The following SLC44A5 variants were observed in gnomAD, a reference collection of about 807,000 sequenced individuals.
SLC44A5 encodes choline transporter-like protein 5.
In SLC44A5, 57 loss-of-function variants were observed where a neutral mutation model predicts 101.8. The ratio of observed to expected loss-of-function variants is 0.56; its 90% CI spans 0.45 to 0.70. The LOEUF (loss-of-function observed/expected upper bound fraction) is 0.70, where lower values mean the gene tolerates loss of function less well. Ranked by LOEUF, SLC44A5 falls within the 30% of genes least tolerant of loss-of-function variation. SLC44A5 has a pLI of 0.00. For missense variants in SLC44A5, 737 were observed against 853.1 expected (o/e 0.86, Z 1.70); for synonymous variants, 281 against 290.9 (o/e 0.97, Z 0.35).
At chr1:75,709,739 A>AT in the SLC44A5 span, among the ~76,000 whole-genome samples, 1 of 152,162 alleles carries the variant, frequency 6.6e-6, no homozygotes, top group Non-Finnish European at 1.5e-5. Flanking sequence ...AGGCACGCCT[A>AT]TTTTTAGTTT....
chr1:75,589,808 G>A (rs1674242962), intron 1 of SLC44A5, among the ~76,000 whole-genome samples: 1 of 152,138 alleles, frequency 6.6e-6, no homozygotes, highest in Non-Finnish European at 1.5e-5. Flanking sequence ...TTCTGTGAGA[G>A]CAGAAAGGAA....
intron 2 of SLC44A5, among the ~76,000 whole-genome samples, chr1:75,486,593 T>C (rs573128022): frequency 4.1e-4 from 62 of 152,332 alleles, no homozygotes; most frequent in Non-Finnish European, 8.4e-4. Flanking sequence ...CAGAAACTTT[T>C]TAACTGTTAA....
At chr1:75,671,636 G>A in the SLC44A5 span, among the ~76,000 whole-genome samples, 13 of 152,148 alleles carry the variant, frequency 8.5e-5, no homozygotes, top group Non-Finnish European at 1.5e-5. Flanking sequence ...ATTAATGACT[G>A]GATCACTCGC....
chr1:75,707,284 G>A, the SLC44A5 span, among the ~76,000 whole-genome samples: 2 of 152,212 alleles, frequency 1.3e-5, no homozygotes, highest in African/African-American at 4.8e-5. Context: ...TGGCCAAAGA[G>A]CAGTCTCAAG....
At chr1:75,717,950 T>C in the SLC44A5 span, among the ~76,000 whole-genome samples, 2 of 152,340 alleles carry the variant, frequency 1.3e-5, no homozygotes, top group South Asian at 4.1e-4. Flanking sequence ...ACAAAGTTCC[T>C]TGGCTCAATT....
At chr1:75,239,596 T>C (rs189802779) in intron 9 of SLC44A5, among the ~76,000 whole-genome samples, 228 of 152,146 alleles carry the variant, frequency 1.5e-3, no homozygotes, top group Admixed American at 3.2e-3. Flanking sequence ...GGCTGATTCC[T>C]TTACCTGCCC....
chr1:75,348,126 C>T (rs751628994), intron 3 of SLC44A5, among the ~76,000 whole-genome samples: 1 of 151,942 alleles, frequency 6.6e-6, no homozygotes, highest in Non-Finnish European at 1.5e-5. Flanking sequence ...GTATTGTAGG[C>T]TCCCTTCTCT....
At chr1:75,407,534 C>G (rs1259864482) in intron 2 of SLC44A5, among the ~76,000 whole-genome samples, 1 of 152,118 alleles carries the variant, frequency 6.6e-6, no homozygotes, top group African/African-American at 2.4e-5. Flanking sequence ...TGGAACAGAA[C>G]AGAGGTCTCA....
Position 75,367,832 on chromosome 1 carries a change from T to G in SLC44A5, c.53-28202A>C, listed in dbSNP as rs563983890. 3.3e-5 allele frequency among the ~76,000 whole-genome samples: 5 copies of G among 152,298 alleles called. No homozygotes were observed. The East Asian group carries it at 5.8e-4, about 18-fold the overall frequency. On this transcript the variant is annotated intron_variant, in intron 3 of 23. Coordinates refer to ENST00000370859, the MANE Select transcript of SLC44A5 (RefSeq NM_001130058.2). ...GGGTCTACCAGAGCTTACAATCACT[T>G]ACTTGGATCCCATAGCTCCCACAAA...
chr1:75,303,654 C>T (rs1044484732), intron 4 of SLC44A5, among the ~76,000 whole-genome samples: 2 of 152,094 alleles, frequency 1.3e-5, no homozygotes, highest in African/African-American at 4.8e-5. Context: ...TTCTTTGGTG[C>T]CAAGGAAACA....
chr1:75,555,550 A>G (rs960494667), intron 1 of SLC44A5, among the ~76,000 whole-genome samples: 1 of 152,114 alleles, frequency 6.6e-6, no homozygotes. Context: ...TTGGCCTCAC[A>G]TTATAGGTTT....
At chr1:75,345,463 C>G (rs1658183648) in intron 3 of SLC44A5, among the ~76,000 whole-genome samples, 1 of 152,104 alleles carries the variant, frequency 6.6e-6, no homozygotes. Flanking sequence ...AGGGGACCAA[C>G]TAATATGGGA....
intron 5 of SLC44A5, among the ~76,000 whole-genome samples, chr1:75,285,380 T>C (rs1378799419): frequency 6.6e-6 from 1 of 152,098 alleles, no homozygotes; most frequent in Non-Finnish European, 1.5e-5. Flanking sequence ...CTCTTCTTGA[T>C]TAATCTCACT....
At chr1:75,505,498 T>C (rs571511307) in intron 2 of SLC44A5, among the ~76,000 whole-genome samples, 9 of 152,308 alleles carry the variant, frequency 5.9e-5, no homozygotes, top group African/African-American at 1.9e-4. Flanking sequence ...CCCTTTTCTC[T>C]GCAGCCTCAC....
chr1:75,236,845 A>G, intron 11 of SLC44A5, 142 bp downstream of exon 11: 1 of 501,092 alleles, frequency 2.0e-6, no homozygotes, highest in South Asian at 4.1e-5. Flanking sequence ...AAATGGCAGG[A>G]ACTGACATCT....
At chr1:75,551,819 A>G (rs1302822398) in intron 1 of SLC44A5, among the ~76,000 whole-genome samples, 2 of 152,144 alleles carry the variant, frequency 1.3e-5, no homozygotes, top group Admixed American at 6.6e-5. Context: ...TGCCTGGCAC[A>G]TGTTAGACTC....
chr1:75,601,772 A>G (rs1674998292), intron 1 of SLC44A5, among the ~76,000 whole-genome samples: 1 of 152,132 alleles, frequency 6.6e-6, no homozygotes, highest in Non-Finnish European at 1.5e-5. Flanking sequence ...TTTCCCTTCC[A>G]TAAAGATCAC....
intron 5 of SLC44A5, among the ~76,000 whole-genome samples, chr1:75,299,069 T>A (rs988154119): frequency 5.3e-5 from 8 of 152,062 alleles, no homozygotes; most frequent in Non-Finnish European, 1.0e-4. Context: ...AAACAAAAAA[T>A]TACACAGATA....
intron 2 of SLC44A5, among the ~76,000 whole-genome samples, chr1:75,402,126 T>C (rs977564226): frequency 2.0e-5 from 3 of 152,124 alleles, no homozygotes; most frequent in African/African-American, 7.2e-5. Context: ...TAGTTAGAAA[T>C]AGTATGTGTG....
Sources: allele counts gnomAD v4.1 joint callset (sites outside exome capture counted in the v4.1 genomes callset), GRCh38; gene constraint gnomAD v4.1.1; transcripts MANE v1.5; gene names NCBI Gene and HGNC (gene_info 2026-07-23, HGNC 2026-07-21).